SLC17A4: variants seen among roughly 807,000 people sequenced by gnomAD.
SLC17A4 encodes probable small intestine urate exporter.
In SLC17A4, 33 loss-of-function variants were observed where a neutral mutation model predicts 52.5. That is an observed-to-expected ratio of 0.63 (90% CI 0.48 to 0.84). The LOEUF (loss-of-function observed/expected upper bound fraction) is 0.84. SLC17A4 is among the 40% of genes least tolerant of loss of function. The pLI, the probability that SLC17A4 is intolerant of heterozygous loss-of-function variation, is 0.00. For synonymous variants in SLC17A4, 225 were observed against 216.2 expected (o/e 1.04, Z -0.36); for missense variants, 585 against 597.1 (o/e 0.98, Z 0.21).
rs1763251184 is a variant in SLC17A4, at chr6:25,780,857, G to C, written c.*1669G>C. The C allele has an allele frequency of 6.6e-6, 1 of 152,148 alleles. No individual in the cohort carries two copies. The highest frequency in any genetic ancestry group is 1.5e-5 in the Non-Finnish European group (1 of 68,042). The allele number at this position is 152,148 out of a possible 1,614,324, so 9.4% of individuals were successfully genotyped here. A position where few individuals can be genotyped will look rare whatever the true frequency, so the allele number is the denominator to read the frequency against. The stretch of plus-strand genomic sequence containing the variant: ...TGACGGGTCCTATTACTAAGTGAGA[G>C]AGTGAAAGATGTCCAGAGTAACTCC... On this transcript the variant is annotated 3_prime_UTR_variant, in exon 12 of 12. Transcript: ENST00000377905.
Position 25,776,979 on chromosome 6 carries a change from C to G in SLC17A4, c.1268+20C>G, listed in dbSNP as rs988767708. The G allele has an allele frequency of 1.3e-6, 2 of 1,592,564 alleles. No individual in the cohort carries two copies. Among genetic ancestry groups the G allele is most frequent in the Admixed American group, 1.7e-5 (1 of 57,578 alleles). ...TCCTCGGTAGGGACCTCTTTTGCCT[C>G]ATCCTTTCAGACACTCAATTCAAGT... On this transcript the variant is annotated intron_variant, in intron 10 of 11. Coordinates refer to ENST00000377905, the MANE Select transcript of SLC17A4 (RefSeq NM_005495.3).
At chr6:25,765,219 C>A (rs2151430306) in intron 2 of SLC17A4, among the ~76,000 whole-genome samples, 1 of 152,254 alleles carries the variant, frequency 6.6e-6, no homozygotes, top group African/African-American at 2.4e-5. Context: ...TTGACAGGTA[C>A]ACTTATGAAA....
At chr6:25,758,944 C>T (rs1262970450) in intron 1 of SLC17A4, among the ~76,000 whole-genome samples, 2 of 152,126 alleles carry the variant, frequency 1.3e-5, no homozygotes, top group Non-Finnish European at 2.9e-5. Context: ...ATGGTATGAA[C>T]TTTCCTCTTA....
intron 5 of SLC17A4, 27 bp from the exon 6 acceptor site, chr6:25,770,899 C>G (rs925634999): frequency 6.9e-6 from 11 of 1,589,154 alleles, no homozygotes; most frequent in Admixed American, 6.7e-5. Flanking sequence ...TCCTCTCACC[C>G]AGAACATCCT....
chr6:25,766,119 A>G (rs1761990367), intron 2 of SLC17A4, among the ~76,000 whole-genome samples: 1 of 150,520 alleles, frequency 6.6e-6, no homozygotes. Context: ...TTAAAATTTA[A>G]TATTTAAAAT....
chr6:25,762,964 A>G (rs4145221), intron 2 of SLC17A4, among the ~76,000 whole-genome samples: 64,402 of 152,126 alleles, frequency 0.42, 16,687 homozygotes, highest in South Asian at 0.6. Flanking sequence ...GTAAAATTTT[A>G]CCAAGGTGCA....
chr6:25,771,232 A>G (rs781037815), intron 6 of SLC17A4, among the ~76,000 whole-genome samples: 20 of 152,158 alleles, frequency 1.3e-4, no homozygotes, highest in Non-Finnish European at 2.5e-4. Flanking sequence ...ACTGCTTCTA[A>G]ATTTGACCTA....
Position 25,773,552 on chromosome 6 carries a change from A to G in SLC17A4, c.865A>G (p.Ile289Val), listed in dbSNP as rs753997721. The stretch of plus-strand genomic sequence containing the variant: ...CTGGTCTCTTCCCATTAGGGCTATG[A>G]TCAAATCCTTACCACTCTGGGCCAT... ...PGWSLPIRAM[I>V]KSLPLWAILV... The change falls in exon 8 of 12, where the codon ATC (isoleucine) becomes GTC (valine). Residue 289 changes from isoleucine (I) to valine (V), a missense_variant. By Grantham distance (29) the Ile-to-Val change is conservative (BLOSUM62 3). Transcript: ENST00000377905. The G allele has an allele frequency of 1.2e-6, 2 of 1,613,952 alleles. No homozygotes were observed. The highest frequency in any genetic ancestry group is 3.3e-5 in the Admixed American group (2 of 59,984).
chr6:25,767,467 G>T (rs914832407), intron 2 of SLC17A4, among the ~76,000 whole-genome samples: 3 of 152,044 alleles, frequency 2.0e-5, no homozygotes, highest in Admixed American at 6.6e-5. Context: ...AAATTTGGGG[G>T]CCACAGAGAG....
intron 8 of SLC17A4, 99 bp downstream of exon 8, chr6:25,773,773 G>C: frequency 1.5e-6 from 2 of 1,333,880 alleles, no homozygotes; most frequent in Non-Finnish European, 2.1e-6. Flanking sequence ...ACAAAATCGG[G>C]GGATTAGGAC....
intron 8 of SLC17A4, 91 bp from the exon 9 acceptor site, chr6:25,776,504 A>G (rs1762931152): frequency 1.8e-5 from 26 of 1,474,088 alleles, no homozygotes; most frequent in Non-Finnish European, 2.4e-5. Flanking sequence ...TATAAAGAAA[A>G]GCCACAAATG....
chr6:25,769,271 A>G, intron 3 of SLC17A4, 81 bp downstream of exon 3: 1 of 1,289,012 alleles, frequency 7.8e-7, no homozygotes, highest in Non-Finnish European at 1.1e-6. Flanking sequence ...AGATTCATTT[A>G]ACCACTAAGT....
At position 25,773,381 on chromosome 6, in the gene SLC17A4, A is replaced by G. The variant is rs761845040; in HGVS notation, c.813A>G (p.Ser271=). 1 of 1,613,822 alleles carries G rather than the reference A, an allele frequency of 6.2e-7. No individual in the cohort carries two copies. Among genetic ancestry groups the G allele is most frequent in the East Asian group, 2.2e-5 (1 of 44,868 alleles). The change falls in exon 7 of 12, where the codon TCA becomes TCG. Residue 271 remains serine, a synonymous_variant. Coordinates refer to ENST00000377905, the MANE Select transcript of SLC17A4 (RefSeq NM_005495.3). ...GTGAGAAGAGATACATTGTGTGTTC[A>G]TTGGCTCAGCAGGTACATTGAGGAA... ...SAGEKRYIVC[S]LAQQDCSPGW...
chr6:25,764,433 G>A (rs116455037), intron 2 of SLC17A4, among the ~76,000 whole-genome samples: 2,468 of 152,308 alleles, frequency 0.016, 38 homozygotes, highest in Non-Finnish European at 0.028. Context: ...GAAAGCCATG[G>A]AAATGAATAA....
intron 6 of SLC17A4, among the ~76,000 whole-genome samples, chr6:25,771,523 A>C (rs1762479936): frequency 6.6e-6 from 1 of 152,078 alleles, no homozygotes; most frequent in Non-Finnish European, 1.5e-5. Context: ...GCAGTGAGCC[A>C]AGATCACACT....
chr6:25,773,341 C>T lies in SLC17A4; in HGVS notation c.773C>T (p.Pro258Leu). Residue 258 changes from proline to leucine, a missense_variant, in exon 7 of 12, where the codon CCC becomes CTC. Coordinates refer to ENST00000377905, the MANE Select transcript of SLC17A4 (RefSeq NM_005495.3). Reference protein sequence around the residue: ...PLIYDDPVNHPFISAGEKRYI... With the variant: ...PLIYDDPVNHLFISAGEKRYI... The stretch of plus-strand genomic sequence containing the variant: ...ATTTATGATGATCCTGTGAATCATC[C>T]CTTTATCAGTGCTGGTGAGAAGAGA... The T allele has an allele frequency of 6.2e-7, 1 of 1,613,966 alleles. No individual in the cohort carries two copies. Among genetic ancestry groups the T allele is most frequent in the Non-Finnish European group, 8.5e-7 (1 of 1,179,898 alleles).
chr6:25,769,246 A>T (rs2151439047), intron 3 of SLC17A4, 56 bp downstream of exon 3: 2 of 1,477,824 alleles, frequency 1.4e-6, no homozygotes, highest in East Asian at 2.3e-5. Context: ...TGACTTAAAG[A>T]GTTATAAAAG....
Position 25,780,904 on chromosome 6 carries a change from A to G in SLC17A4, c.*1716A>G, listed in dbSNP as rs1763251999. 2.0e-5 allele frequency: 3 copies of G among 152,214 alleles called. No individual in the cohort carries two copies. The highest frequency in any genetic ancestry group is 2.1e-4 in the South Asian group (1 of 4,826). The allele number at this position is 152,214 out of a possible 1,614,324, so 9.4% of individuals were successfully genotyped here. On this transcript the variant is annotated 3_prime_UTR_variant, in exon 12 of 12. Transcript: ENST00000377905. ...CTCCTGAGTTTTGGTTTGCTATTAT[A>G]TTAATGGGGATGCCTCTAACACAGA...
intron 1 of SLC17A4, among the ~76,000 whole-genome samples, chr6:25,756,585 T>C (rs1049563260): frequency 2.0e-5 from 3 of 152,174 alleles, no homozygotes; most frequent in African/African-American, 7.2e-5. Flanking sequence ...AACAGCACTG[T>C]CCTCCCTTCA....
Sources: allele counts gnomAD v4.1 joint callset (sites outside exome capture counted in the v4.1 genomes callset), GRCh38; gene constraint gnomAD v4.1.1; transcripts MANE v1.5; gene names NCBI Gene and HGNC (gene_info 2026-07-23, HGNC 2026-07-21).